The following S100A6 variants were observed in gnomAD, a reference collection of about 807,000 sequenced individuals.
S100A6 encodes S100 calcium binding protein A6.
A neutral mutation model predicts 3.5 loss-of-function variants in S100A6; 3 were observed. The ratio of observed to expected loss-of-function variants is 0.87; its 90% CI spans 0.39 to 2.24. The LOEUF (loss-of-function observed/expected upper bound fraction) is 2.24. Among genes scored for constraint, S100A6 ranks in the 30% most tolerant of loss-of-function variants. S100A6 has a pLI of 0.05. For synonymous variants in S100A6, 48 were observed against 45.2 expected (o/e 1.06, Z -0.25); for missense variants, 114 against 105.3 (o/e 1.08, Z -0.36).
intron 1 of S100A6, 123 bp downstream of exon 1, chr1:153,535,826 G>C (rs959501472): frequency 6.5e-6 from 1 of 153,878 alleles, no homozygotes; most frequent in Non-Finnish European, 1.4e-5. Flanking sequence ...TCCCTCCAGC[G>C]GGGGAGCGCC....
In S100A6 at chr1:153,534,789, C is replaced by A; in HGVS notation, c.180G>T (p.Leu60Phe). Reference protein sequence around the residue: ...DAEIARLMEDLDRNKDQEVNF... With the variant: ...DAEIARLMEDFDRNKDQEVNF... ...TCACCTCCTGGTCCTTGTTCCGGTC[C>A]AAGTCTTCCATCAGCCTTGCAATTT... The change falls in exon 3 of 3, where the codon TTG becomes TTT. Residue 60 changes from leucine to phenylalanine, a missense_variant. Leu to Phe is a conservative substitution (Grantham distance 22). Coordinates refer to ENST00000368719, the MANE Select transcript of S100A6 (RefSeq NM_014624.4). The A allele has an allele frequency of 6.2e-7, 1 of 1,613,916 alleles. No individual in the cohort carries two copies. The highest frequency in any genetic ancestry group is 8.5e-7 in the Non-Finnish European group (1 of 1,179,962).
intron 2 of S100A6, 63 bp from the exon 3 acceptor site, chr1:153,534,893 C>T (rs751747753): frequency 1.0e-5 from 16 of 1,561,888 alleles, no homozygotes; most frequent in Non-Finnish European, 1.4e-5. Context: ...TCTTCCCCTT[C>T]CCCCTCCCAG....
chr1:153,535,254 A>G lies in S100A6; in HGVS notation c.86T>C (p.Leu29Pro), dbSNP rs1257177646. ...YSGREGDKHT[L>P]SKKELKELIQ... ...CAGCTCCTTCAGCTCCTTCTTGCTCAGGGTGTGCTTGTCACCCTCCCTGCC... is the reference window on the plus strand; with the variant it reads ...CAGCTCCTTCAGCTCCTTCTTGCTCGGGGTGTGCTTGTCACCCTCCCTGCC... The change falls in exon 2 of 3, where the codon CTG (leucine) becomes CCG (proline). Residue 29 changes from leucine to proline, a missense_variant. By Grantham distance (98) the Leu-to-Pro change is moderately conservative. Transcript: ENST00000368719. The G allele has an allele frequency of 6.2e-7, 1 of 1,614,138 alleles. No individual in the cohort carries two copies. Among genetic ancestry groups the G allele is most frequent in the South Asian group, 1.1e-5 (1 of 91,078 alleles).
chr1:153,534,610 A>C lies in S100A6; in HGVS notation c.*86T>G. 7.4e-7 allele frequency: 1 copy of C among 1,359,116 alleles called. No homozygotes were observed. Among genetic ancestry groups the C allele is most frequent in the Non-Finnish European group, 9.8e-7 (1 of 1,019,044 alleles). The allele number at this position is 1,359,116 out of a possible 1,614,324, so 84.2% of individuals were successfully genotyped here. ...CCAGGACGCAAGGGTAAATTTGACC[A>C]AAAAAAATTTATTGTACAATTACCC... On this transcript the variant is annotated 3_prime_UTR_variant, in exon 3 of 3. Coordinates refer to ENST00000368719, the MANE Select transcript of S100A6 (RefSeq NM_014624.4).
At position 153,534,638 on chromosome 1, in the gene S100A6, C is replaced by T. The variant is rs1308103758; in HGVS notation, c.*58G>A. ...AAAAATTTATTGTACAATTACCCAC[C>T]ACTGGATTTGACTCAGAGAGGACCC... On this transcript the variant is annotated 3_prime_UTR_variant, in exon 3 of 3. Transcript: ENST00000368719. 2 of 1,495,298 alleles carry T rather than the reference C, an allele frequency of 1.3e-6. No homozygotes were observed. The highest frequency in any genetic ancestry group is 4.9e-5 in the East Asian group (2 of 40,556). 92.6% of individuals were successfully genotyped at this position (1,495,298 alleles called of 1,614,324 possible).
In S100A6 at chr1:153,535,016, G is replaced by A. The variant is rs571473170; in HGVS notation, c.138+186C>T. 6.6e-5 allele frequency: 72 copies of A among 1,096,860 alleles called. No individual in the cohort carries two copies. In the African/African-American group the frequency reaches 1.0e-3, roughly 16 times the overall value. The allele number at this position is 1,096,860 out of a possible 1,614,324, so 67.9% of individuals were successfully genotyped here. Reference sequence around the variant, plus strand: ...TTACTGGTCCTCATTTGGAGAGATGGATATCCGGCTGGAAGCATCCCCTAC... The same window carrying A: ...TTACTGGTCCTCATTTGGAGAGATGAATATCCGGCTGGAAGCATCCCCTAC... On this transcript the variant is annotated intron_variant, in intron 2 of 2. Transcript: ENST00000368719.
At chr1:153,535,539 G>A (rs1440881936) in intron 1 of S100A6, among the ~76,000 whole-genome samples, 179 bp from the exon 2 acceptor site, 2 of 152,234 alleles carry the variant, frequency 1.3e-5, no homozygotes, top group African/African-American at 4.8e-5. Context: ...CTAGGGCCAA[G>A]GCAAGAGAGG....
In S100A6 at chr1:153,535,304, G is replaced by C; in HGVS notation, c.36C>G (p.Leu12=). ...CGGAGTACTTGTGGAAGATGGCCACGAGGAGGCCAATGGCCTGATCCAGGG... is the reference window on the plus strand; with the variant it reads ...CGGAGTACTTGTGGAAGATGGCCACCAGGAGGCCAATGGCCTGATCCAGGG... ...ACPLDQAIGL[L]VAIFHKYSGR... Residue 12 remains leucine, a synonymous_variant, in exon 2 of 3, where the codon CTC becomes CTG. Coordinates refer to ENST00000368719, the MANE Select transcript of S100A6 (RefSeq NM_014624.4). 1 of 1,614,142 alleles carries C rather than the reference G, an allele frequency of 6.2e-7. No individual in the cohort carries two copies. Among genetic ancestry groups the C allele is most frequent in the Non-Finnish European group, 8.5e-7 (1 of 1,180,032 alleles).
chr1:153,535,082 G>C, intron 2 of S100A6, 120 bp downstream of exon 2: 1 of 1,408,724 alleles, frequency 7.1e-7, no homozygotes, highest in Non-Finnish European at 9.8e-7. Context: ...TCTACATGTG[G>C]ACCAGGGCCT....
Position 153,534,780 on chromosome 1 carries a change from G to A in S100A6, c.189C>T (p.Asn63=), listed in dbSNP as rs745796075. The part of the protein sequence containing the change: ...IARLMEDLDR[N]KDQEVNFQEY... ...CCTGGAAGTTCACCTCCTGGTCCTT[G>A]TTCCGGTCCAAGTCTTCCATCAGCC... Residue 63 remains asparagine (N), a synonymous_variant, in exon 3 of 3, where the codon AAC becomes AAT. Transcript: ENST00000368719. The A allele has an allele frequency of 1.9e-6, 3 of 1,614,000 alleles. No homozygotes were observed. Among genetic ancestry groups the A allele is most frequent in the South Asian group, 2.2e-5 (2 of 91,074 alleles).
intron 1 of S100A6, 60 bp downstream of exon 1, chr1:153,535,889 A>AC (rs1437137501): frequency 2.6e-5 from 4 of 152,662 alleles, no homozygotes; most frequent in African/African-American, 9.7e-5. Context: ...GGATGGCTGG[A>AC]CCCCCAGCGT....
rs146669644 is a variant in S100A6, at chr1:153,535,281, G to A, written c.59C>T (p.Ser20Phe). Residue 20 changes from serine (S) to phenylalanine (F), a missense_variant, in exon 2 of 3, where the codon TCC becomes TTC. Transcript: ENST00000368719. ...GLLVAIFHKY[S>F]GREGDKHTLS... ...GGTGTGCTTGTCACCCTCCCTGCCGGAGTACTTGTGGAAGATGGCCACGAG... is the reference window on the plus strand; with the variant it reads ...GGTGTGCTTGTCACCCTCCCTGCCGAAGTACTTGTGGAAGATGGCCACGAG... 9.4e-5 allele frequency: 151 copies of A among 1,614,076 alleles called. No individual in the cohort carries two copies. The highest frequency in any genetic ancestry group is 1.3e-4 in the Non-Finnish European group (148 of 1,180,038).
In S100A6 at chr1:153,534,833, A is replaced by G; in HGVS notation, c.139-3T>C. Reference sequence around the variant, plus strand: ...GCAATTTCAGCATCCTGCAGCTTCTAATGTGTTAGAATGTGAAATCCATAC... The same window carrying G: ...GCAATTTCAGCATCCTGCAGCTTCTGATGTGTTAGAATGTGAAATCCATAC... On this transcript the variant is annotated splice_region_variant and splice_polypyrimidine_tract_variant and intron_variant, in intron 2 of 2. Transcript: ENST00000368719. The G allele has an allele frequency of 6.2e-7, 1 of 1,607,424 alleles. No homozygotes were observed.
chr1:153,534,869 T>A, intron 2 of S100A6, 39 bp from the exon 3 acceptor site: 1 of 1,592,446 alleles, frequency 6.3e-7, no homozygotes, highest in Non-Finnish European at 8.6e-7. Context: ...TCAGTGGTGA[T>A]GACAACCCTG....
At position 153,535,121 on chromosome 1, in the gene S100A6, CA is replaced by C. The variant is rs559641877; in HGVS notation, c.138+80del. On this transcript the variant is annotated intron_variant, in intron 2 of 2. Transcript: ENST00000368719. The stretch of plus-strand genomic sequence containing the variant: ...AATGTGGGTAAATGTGAGTCAGATG[CA>C]CCTGGCACCTCTCTCTCCCCTAATC... 342 of 1,570,470 alleles carry C rather than the reference CA, an allele frequency of 2.2e-4. 3 individuals are homozygous for C. In the South Asian group the frequency reaches 3.6e-3, roughly 17 times the overall value.
intron 2 of S100A6, 145 bp from the exon 3 acceptor site, chr1:153,534,975 C>T (rs1410082365): frequency 8.5e-7 from 1 of 1,179,454 alleles, no homozygotes; most frequent in Non-Finnish European, 1.2e-6. Flanking sequence ...ATTGCTTCTC[C>T]TCAGCTACTT....
chr1:153,535,036 C>T lies in S100A6; in HGVS notation c.138+166G>A, dbSNP rs16835413. ...AGATGGATATCCGGCTGGAAGCATC[C>T]CCTACCCGCTGGGAGAGTGGGTCTA... On this transcript the variant is annotated intron_variant, in intron 2 of 2. Coordinates refer to ENST00000368719, the MANE Select transcript of S100A6 (RefSeq NM_014624.4). 4.8e-3 allele frequency: 5,414 copies of T among 1,132,456 alleles called. 167 individuals carry two copies. In the African/African-American group the frequency reaches 0.071, roughly 15 times the overall value. 70.2% of individuals were successfully genotyped at this position (1,132,456 alleles called of 1,614,324 possible). A position where few individuals can be genotyped will look rare whatever the true frequency, so the allele number is the denominator to read the frequency against.
At chr1:153,535,176 G>T (rs771996053) in intron 2 of S100A6, 26 bp downstream of exon 2, 30 of 1,613,576 alleles carry the variant, frequency 1.9e-5, no homozygotes, top group Non-Finnish European at 2.5e-5. Flanking sequence ...GGTGGGAAAA[G>T]GGGTCCTGGG....
intron 2 of S100A6, 133 bp from the exon 3 acceptor site, chr1:153,534,963 G>T: frequency 1.6e-6 from 2 of 1,247,754 alleles, no homozygotes; most frequent in Non-Finnish European, 2.2e-6. Context: ...TGTCACTTTG[G>T]CATTGCTTCT....
Sources: allele counts gnomAD v4.1 joint callset (sites outside exome capture counted in the v4.1 genomes callset), GRCh38; gene constraint gnomAD v4.1.1; transcripts MANE v1.5; gene names NCBI Gene and HGNC (gene_info 2026-07-23, HGNC 2026-07-21).